KIF19: variants seen among roughly 807,000 people sequenced by gnomAD.
The protein encoded by KIF19 is kinesin family member 19, also known as kinesin-like protein KIF19.
In KIF19, 98 loss-of-function variants were observed where a neutral mutation model predicts 106.6. That is an observed-to-expected ratio of 0.92 (90% CI 0.78 to 1.09). The LOEUF is 1.09. KIF19 is among the 50% of genes least tolerant of loss of function. The pLI, the probability that KIF19 is intolerant of heterozygous loss-of-function variation, is 0.00. For synonymous variants in KIF19, 516 were observed against 584.2 expected (o/e 0.88, Z 1.68); for missense variants, 1,373 against 1,414.3 (o/e 0.97, Z 0.47).
intron 2 of KIF19, 21 bp from the exon 3 acceptor site, chr17:74,341,855 C>G: frequency 6.3e-7 from 1 of 1,588,848 alleles, no homozygotes; most frequent in Non-Finnish European, 8.6e-7. Context: ...GACCGTGGGC[C>G]TCCCTCTGGG....
chr17:74,353,421 G>A (rs760835864), intron 16 of KIF19, 73 bp from the exon 17 acceptor site: 21 of 1,488,010 alleles, frequency 1.4e-5, no homozygotes, highest in Non-Finnish European at 1.9e-5. Context: ...AGGCCCCGCT[G>A]TCTCTGCTGA....
At chr17:74,344,702 C>T in intron 6 of KIF19, 59 bp from the exon 7 acceptor site, 1 of 1,539,746 alleles carries the variant, frequency 6.5e-7, no homozygotes, top group Non-Finnish European at 8.8e-7. Context: ...TCAGGGGCTC[C>T]TCTCTGCCGG....
chr17:74,332,791 A>T (rs773878388), intron 2 of KIF19, among the ~76,000 whole-genome samples: 1 of 152,166 alleles, frequency 6.6e-6, no homozygotes, highest in South Asian at 2.1e-4. Context: ...GCTCCCGAGA[A>T]CAGAGGCTAT....
At chr17:74,336,736 T>C (rs1212867724) in intron 2 of KIF19, among the ~76,000 whole-genome samples, 1 of 152,226 alleles carries the variant, frequency 6.6e-6, no homozygotes, top group Non-Finnish European at 1.5e-5. Flanking sequence ...GCTCTGCACT[T>C]TGCAGTGAGG....
Position 74,332,218 on chromosome 17 carries a change from G to GTGTGTGTGTGTT in KIF19, c.120+3724_120+3725insTTGTGTGTGTGT, listed in dbSNP as rs1555619605. 3.2e-3 allele frequency among the ~76,000 whole-genome samples: 350 copies of GTGTGTGTGTGTT among 110,638 alleles called. 1 individual carries two copies. Among genetic ancestry groups the GTGTGTGTGTGTT allele is most frequent in the Non-Finnish European group, 5.2e-3 (265 of 50,796 alleles). The allele number at this position is 110,638 out of a possible 152,430, so 72.6% of individuals were successfully genotyped here. On this transcript the variant is annotated intron_variant, in intron 2 of 19. Coordinates refer to ENST00000389916, the MANE Select transcript of KIF19 (RefSeq NM_153209.4). The stretch of plus-strand genomic sequence containing the variant: ...TGTGTGTGTGTGTGTGTTTGTGTGT[G>GTGTGTGTGTGTT]TGTGTGTGTGTGTGTGTGTGTGTGT...
chr17:74,354,406 C>A lies in KIF19; in HGVS notation c.2553C>A (p.Gly851=), dbSNP rs776457963. 4 of 1,610,848 alleles carry A rather than the reference C, an allele frequency of 2.5e-6. No homozygotes were observed. In the Admixed American group the frequency reaches 6.7e-5, roughly 27 times the overall value. ...ASEDNLSSST[G]EAPSRAVGHH... Reference sequence around the variant, plus strand: ...AGGACAACCTGTCCAGCAGCACGGGCGAGGCCCCGTCCCGGGCAGTCGGAC... The same window carrying A: ...AGGACAACCTGTCCAGCAGCACGGGAGAGGCCCCGTCCCGGGCAGTCGGAC... The change falls in exon 18 of 20, where the codon GGC becomes GGA. Residue 851 remains glycine, a synonymous_variant. Transcript: ENST00000389916.
intron 12 of KIF19, 127 bp from the exon 13 acceptor site, chr17:74,351,740 G>A (rs2054706513): frequency 5.5e-6 from 6 of 1,082,106 alleles, no homozygotes; most frequent in Non-Finnish European, 6.2e-6. Context: ...TCAGCTTTTA[G>A]GGTTGGCCTC....
intron 2 of KIF19, among the ~76,000 whole-genome samples, chr17:74,339,253 TAGCCGGAGCACC>T (rs1410743852): frequency 6.6e-6 from 1 of 151,764 alleles, no homozygotes; most frequent in Non-Finnish European, 1.5e-5. Flanking sequence ...TTTAGAAGGG[TAGCCGGAGCACC>T]AGCTGGGACC....
chr17:74,332,202 G>GTGTGTT (rs2054106435), intron 2 of KIF19, among the ~76,000 whole-genome samples: 3 of 103,406 alleles, frequency 2.9e-5, no homozygotes, highest in African/African-American at 1.3e-4. Flanking sequence ...GTGTGTGTGT[G>GTGTGTT]TGTGTGTTTG....
chr17:74,354,415 G>A lies in KIF19; in HGVS notation c.2562G>A (p.Pro854=), dbSNP rs752715454. Residue 854 remains proline (P), a synonymous_variant, in exon 18 of 20, where the codon CCG becomes CCA. Transcript: ENST00000389916. ...DNLSSSTGEA[P]SRAVGHHGDG... ...TGTCCAGCAGCACGGGCGAGGCCCC[G>A]TCCCGGGCAGTCGGACATCATGGGG... 21 of 1,611,042 alleles carry A rather than the reference G, an allele frequency of 1.3e-5. No individual in the cohort carries two copies. Among genetic ancestry groups the A allele is most frequent in the East Asian group, 6.7e-5 (3 of 44,838 alleles).
At chr17:74,347,150 G>A (rs1015123721) in intron 8 of KIF19, among the ~76,000 whole-genome samples, 8 of 152,178 alleles carry the variant, frequency 5.3e-5, no homozygotes, top group Non-Finnish European at 7.3e-5. Context: ...TAATATCAGA[G>A]TCACCGCTTA....
At position 74,326,374 on chromosome 17, in the gene KIF19, G is replaced by T. The variant is rs1443456058; in HGVS notation, c.25G>T (p.Asp9Tyr). ...CATGAAGGACAGCGGGGACTCCAAG[G>T]ACCAGCAACTCATGGTGAGACCCTT... MKDSGDSK[D>Y]QQLMVALRVR... is the part of the protein sequence containing the mutation. The change falls in exon 1 of 20, where the codon GAC becomes TAC. Residue 9 changes from aspartate to tyrosine, a missense_variant. Transcript: ENST00000389916. The T allele has an allele frequency of 1.2e-6, 2 of 1,612,972 alleles. No individual in the cohort carries two copies. The highest frequency in any genetic ancestry group is 1.7e-6 in the Non-Finnish European group (2 of 1,179,554).
rs1382978055 is a variant in KIF19 at position 74,329,936 on chromosome 17, C to T, written c.120+1431C>T. ...CGGGCTGGACTCATGAAGCCCTGGGCCCAGGATAAGCAAACCAGAGGCAGA... is the reference window on the plus strand; with the variant it reads ...CGGGCTGGACTCATGAAGCCCTGGGTCCAGGATAAGCAAACCAGAGGCAGA... On this transcript the variant is annotated intron_variant, in intron 2 of 19. Coordinates refer to ENST00000389916, the MANE Select transcript of KIF19 (RefSeq NM_153209.4). Among the ~76,000 whole-genome samples the T allele has an allele frequency of 3.3e-5, 5 of 150,670 alleles. No individual in the cohort carries two copies. The East Asian group carries it at 7.7e-4, about 23-fold the overall frequency.
chr17:74,355,155 C>G, intron 19 of KIF19, 27 bp from the exon 20 acceptor site: 2 of 1,569,198 alleles, frequency 1.3e-6, no homozygotes, highest in Non-Finnish European at 1.7e-6. Flanking sequence ...TCCGAAACCA[C>G]TGATCCTGCC....
At chr17:74,326,987 A>C (rs1022188169) in intron 1 of KIF19, among the ~76,000 whole-genome samples, 5 of 151,982 alleles carry the variant, frequency 3.3e-5, no homozygotes, top group African/African-American at 1.2e-4. Context: ...TGGGGAGGTG[A>C]GAGTGGGGGC....
intron 7 of KIF19, among the ~76,000 whole-genome samples, chr17:74,345,179 G>A (rs2054502122): frequency 6.6e-6 from 1 of 152,096 alleles, no homozygotes; most frequent in South Asian, 2.1e-4. Flanking sequence ...TTAAGGAAGT[G>A]AGGAACGTTC....
intron 2 of KIF19, among the ~76,000 whole-genome samples, chr17:74,340,555 G>GCA: frequency 1.3e-5 from 2 of 148,208 alleles, no homozygotes. Flanking sequence ...ATGCGCGCGC[G>GCA]TACACACACA....
At chr17:74,336,160 C>T (rs1026767880) in intron 2 of KIF19, among the ~76,000 whole-genome samples, 2 of 152,176 alleles carry the variant, frequency 1.3e-5, no homozygotes, top group African/African-American at 4.8e-5. Flanking sequence ...CCTCTGCCTC[C>T]TGGGTTCAAG....
intron 6 of KIF19, 117 bp from the exon 7 acceptor site, chr17:74,344,644 C>T: frequency 3.6e-6 from 4 of 1,121,556 alleles, no homozygotes; most frequent in Non-Finnish European, 5.0e-6. Context: ...CCACTCCAGC[C>T]TGCCCTTTCC....
Sources: allele counts gnomAD v4.1 joint callset (sites outside exome capture counted in the v4.1 genomes callset), GRCh38; gene constraint gnomAD v4.1.1; transcripts MANE v1.5; gene names NCBI Gene and HGNC (gene_info 2026-07-23, HGNC 2026-07-21).